USB1: variants seen among roughly 807,000 people sequenced by gnomAD.
USB1 encodes U6 snRNA phosphodiesterase 1.
USB1 carries 21 observed loss-of-function variants against 29.9 expected under a neutral mutation model. The ratio of observed to expected loss-of-function variants is 0.70; its 90% CI spans 0.50 to 1.01. The LOEUF (loss-of-function observed/expected upper bound fraction) is 1.01. Ranked by LOEUF, USB1 falls within the 50% of genes least tolerant of loss-of-function variation. The probability of loss-of-function intolerance (pLI) is 0.00; values close to 1 mark genes in which losing one functional copy is unlikely to be tolerated. For synonymous variants in USB1, 143 were observed against 134.9 expected (o/e 1.06, Z -0.42); for missense variants, 330 against 347.1 (o/e 0.95, Z 0.39).
intron 3 of USB1, 192 bp downstream of exon 3, chr16:58,010,304 T>C: frequency 4.6e-6 from 3 of 647,716 alleles, no homozygotes; most frequent in Non-Finnish European, 8.0e-6. Context: ...TTGACACCCC[T>C]GATGCCGTAT....
Position 58,002,689 on chromosome 16 carries a change from G to T in USB1, c.265+44G>T, listed in dbSNP as rs767181785. 5 of 1,612,004 alleles carry T rather than the reference G, an allele frequency of 3.1e-6. No homozygotes were observed. In the South Asian group the frequency reaches 3.3e-5, roughly 11 times the overall value. On this transcript the variant is annotated intron_variant, in intron 2 of 6. Transcript: ENST00000219281. ...GCAAGTTGCCAAGACCCATAGACCCGTAGGTGCCTCATGAAGGGCAGAATC... is the reference window on the plus strand; with the variant it reads ...GCAAGTTGCCAAGACCCATAGACCCTTAGGTGCCTCATGAAGGGCAGAATC...
At chr16:57,999,667 T>C (rs1414079767), upstream of USB1, 1 of 152,266 alleles carries the variant, frequency 6.6e-6, no homozygotes, top group Non-Finnish European at 1.5e-5. Flanking sequence ...GGCCTCTAAC[T>C]GCTCTGCCAA....
intron 2 of USB1, among the ~76,000 whole-genome samples, chr16:58,006,180 C>G (rs1963348816): frequency 1.3e-5 from 2 of 151,530 alleles, no homozygotes; most frequent in African/African-American, 4.9e-5. Flanking sequence ...TGGAGAAACC[C>G]CATTTCTACT....
intron 3 of USB1, chr16:58,011,448 A>G (rs1247461022): frequency 2.8e-6 from 3 of 1,071,118 alleles, no homozygotes; most frequent in Non-Finnish European, 2.3e-6. Context: ...CCAGAAATGC[A>G]TCTCCTGCTA....
intron 3 of USB1, 188 bp downstream of exon 3, chr16:58,010,300 C>G: frequency 1.5e-6 from 1 of 658,714 alleles, no homozygotes; most frequent in Non-Finnish European, 2.6e-6. Flanking sequence ...GCTCTTGACA[C>G]CCCTGATGCC....
chr16:58,001,922 C>A (rs984237387), intron 1 of USB1, among the ~76,000 whole-genome samples: 1 of 152,212 alleles, frequency 6.6e-6, no homozygotes, highest in Non-Finnish European at 1.5e-5. Context: ...CTTGCTAAAG[C>A]GTAGGGAGAG....
chr16:58,014,667 C>T (rs1963574540), intron 4 of USB1, among the ~76,000 whole-genome samples: 1 of 152,130 alleles, frequency 6.6e-6, no homozygotes, highest in Non-Finnish European at 1.5e-5. Flanking sequence ...CCTGTAGTTC[C>T]AGCTACTTGG....
At position 58,019,074 on chromosome 16, in the gene USB1, A is replaced by C; in HGVS notation, c.693+19A>C. The C allele has an allele frequency of 6.2e-7, 1 of 1,613,348 alleles. No homozygotes were observed. The highest frequency in any genetic ancestry group is 1.3e-5 in the African/African-American group (1 of 75,024). The stretch of plus-strand genomic sequence containing the variant: ...ACTACAGGTGAATTTCCAGGGCGGG[A>C]GCACAGAGGGCGCTGAACTCCAGAA... On this transcript the variant is annotated intron_variant, in intron 6 of 6. Transcript: ENST00000219281.
chr16:58,016,287 A>G (rs1265352784), intron 4 of USB1: 2 of 152,244 alleles, frequency 1.3e-5, no homozygotes, highest in African/African-American at 2.4e-5. Flanking sequence ...AGGCTAGAAC[A>G]ACTGGCCCCG....
At chr16:58,015,815 G>A (rs1199474711) in intron 4 of USB1, 2 of 152,164 alleles carry the variant, frequency 1.3e-5, no homozygotes, top group Non-Finnish European at 2.9e-5. Context: ...CTCCGAGGCA[G>A]GGAAGATTTC....
rs540757482 is a variant in USB1, at chr16:58,001,986, G to A, written c.98+405G>A. 2.0e-5 allele frequency among the ~76,000 whole-genome samples: 3 copies of A among 152,336 alleles called. No homozygotes were observed. In the South Asian group the frequency reaches 6.2e-4, roughly 32 times the overall value. On this transcript the variant is annotated intron_variant, in intron 1 of 6. Coordinates refer to ENST00000219281, the MANE Select transcript of USB1 (RefSeq NM_024598.4). ...TGAGCACCCACTCCCTGCCAGGCTGGGGTCTGGTAATTCAGTGGTGAACAA... is the reference window on the plus strand; with the variant it reads ...TGAGCACCCACTCCCTGCCAGGCTGAGGTCTGGTAATTCAGTGGTGAACAA...
At position 58,020,134 on chromosome 16, in the gene USB1, T is replaced by C. The variant is rs1038243600; in HGVS notation, c.694-7T>C. The stretch of plus-strand genomic sequence containing the variant: ...TGTGACTGTCCTCCCCTGGCTGCTG[T>C]TTTAAGGCAATCGTGGATGGGTTTG... On this transcript the variant is annotated splice_polypyrimidine_tract_variant and splice_region_variant and intron_variant, in intron 6 of 6. Transcript: ENST00000219281. 6.2e-7 allele frequency: 1 copy of C among 1,614,086 alleles called. No homozygotes were observed. Among genetic ancestry groups the C allele is most frequent in the Non-Finnish European group, 8.5e-7 (1 of 1,179,988 alleles).
upstream of USB1, among the ~76,000 whole-genome samples, chr16:58,000,946 C>T (rs1269905418): frequency 6.6e-6 from 1 of 152,280 alleles, no homozygotes; most frequent in South Asian, 2.1e-4. The surrounding 1 kb of genome is among the most constrained non-coding windows in gnomAD (Gnocchi z 4.5). Context: ...GCCCTCGGCC[C>T]GGCTCTGCGC....
chr16:58,007,969 T>A (rs1963401060), intron 2 of USB1, among the ~76,000 whole-genome samples: 1 of 151,962 alleles, frequency 6.6e-6, no homozygotes, highest in Admixed American at 6.6e-5. Context: ...GGCAAAAGAG[T>A]GAGACTCTGT....
At chr16:58,002,431 G>A (rs1453172052) in intron 1 of USB1, 48 bp from the exon 2 acceptor site, 1 of 1,610,356 alleles carries the variant, frequency 6.2e-7, no homozygotes, top group Non-Finnish European at 8.5e-7. Context: ...CAAAGGTAGA[G>A]AATGCTAACA....
chr16:58,009,458 G>A (rs1190821708), intron 2 of USB1, among the ~76,000 whole-genome samples: 2 of 152,126 alleles, frequency 1.3e-5, no homozygotes, highest in Non-Finnish European at 2.9e-5. Context: ...AGTGGCTCAC[G>A]CCTGTAATCC....
chr16:58,002,384 C>T (rs1051658360), intron 1 of USB1, 95 bp from the exon 2 acceptor site: 2 of 1,574,152 alleles, frequency 1.3e-6, no homozygotes, highest in African/African-American at 1.3e-5. Context: ...CACTCAGAGC[C>T]ACCATATATA....
At chr16:57,999,946 C>G (rs1171414808), upstream of USB1, 1 of 152,608 alleles carries the variant, frequency 6.6e-6, no homozygotes, top group Non-Finnish European at 1.5e-5. Context: ...CCTGCCCACC[C>G]TGGCCCTCCT....
chr16:58,006,526 G>A (rs146639721), intron 2 of USB1, among the ~76,000 whole-genome samples: 7,008 of 152,192 alleles, frequency 0.046, 285 homozygotes, highest in Non-Finnish European at 0.061. Context: ...GGGCATGGTG[G>A]CACATGCCTG....
Sources: allele counts gnomAD v4.1 joint callset (sites outside exome capture counted in the v4.1 genomes callset), GRCh38; gene constraint gnomAD v4.1.1; non-coding constraint Gnocchi (gnomAD v3.1); transcripts MANE v1.5; gene names NCBI Gene and HGNC (gene_info 2026-07-23, HGNC 2026-07-21).